ARHGAP17: variants seen among roughly 807,000 people sequenced by gnomAD.
The protein encoded by ARHGAP17 is rho GTPase-activating protein 17.
Under a neutral mutation model 99.5 loss-of-function variants are expected in ARHGAP17, and 57 were observed. The observed-to-expected ratio is 0.57, with a 90% CI of 0.46 to 0.71. ARHGAP17 has a LOEUF of 0.71. ARHGAP17 is among the 30% of genes least tolerant of loss of function. The pLI is 0.00. For synonymous variants in ARHGAP17, 417 were observed against 429.6 expected (o/e 0.97, Z 0.36); for missense variants, 1,000 against 1,122.4 (o/e 0.89, Z 1.56).
intron 7 of ARHGAP17, among the ~76,000 whole-genome samples, chr16:24,962,797 TGTA>T (rs2052050237): frequency 1.3e-5 from 2 of 152,148 alleles, no homozygotes; most frequent in African/African-American, 4.8e-5. Flanking sequence ...AAAAGAATAA[TGTA>T]GTATCAAAAA....
At chr16:24,953,134 G>T in intron 10 of ARHGAP17, 92 bp from the exon 11 acceptor site, 3 of 1,129,738 alleles carry the variant, frequency 2.7e-6, no homozygotes, top group Middle Eastern at 2.1e-4. Flanking sequence ...CCTGACTTCC[G>T]CTCACCTCCT....
At position 24,930,834 on chromosome 16, in the gene ARHGAP17, C is replaced by G; in HGVS notation, c.2465G>C (p.Gly822Ala). Residue 822 changes from glycine (G) to alanine (A), a missense_variant, in exon 19 of 20, where the codon GGG becomes GCG. This residue lies in a region of ARHGAP17 where 528 missense variants were observed against 511.4 expected (regional missense o/e 1.03). Coordinates refer to ENST00000289968, the MANE Select transcript of ARHGAP17 (RefSeq NM_001006634.3). ...TGCTGTGTTGGTGAGGCTGCTGTCCCCAGCTGAGTGGACACCAGGAGGTTG... is the reference window on the plus strand; with the variant it reads ...TGCTGTGTTGGTGAGGCTGCTGTCCGCAGCTGAGTGGACACCAGGAGGTTG... ...PPQPPGVHSA[G>A]DSSLTNTAPT... 4 of 1,614,006 alleles carry G rather than the reference C, an allele frequency of 2.5e-6. No individual in the cohort carries two copies. The highest frequency in any genetic ancestry group is 1.6e-4 in the Middle Eastern group (1 of 6,062).
At chr16:24,995,626 G>A (rs1176811643) in intron 1 of ARHGAP17, among the ~76,000 whole-genome samples, 1 of 152,152 alleles carries the variant, frequency 6.6e-6, no homozygotes, top group Non-Finnish European at 1.5e-5. Flanking sequence ...AGGAGCCAGC[G>A]GCAATCCACC....
intron 6 of ARHGAP17, among the ~76,000 whole-genome samples, chr16:24,966,697 T>A (rs1002520289): frequency 3.3e-5 from 5 of 151,508 alleles, no homozygotes; most frequent in Admixed American, 2.0e-4. Flanking sequence ...GGCAGGAGGA[T>A]CCCTTGAGCC....
intron 1 of ARHGAP17, among the ~76,000 whole-genome samples, chr16:24,999,156 G>T (rs139129871): frequency 6.6e-6 from 1 of 152,132 alleles, no homozygotes; most frequent in African/African-American, 2.4e-5. Context: ...CAATGACTTC[G>T]AATTTTTTAA....
chr16:24,983,937 GCCACTTT>G (rs1402787748), intron 1 of ARHGAP17, among the ~76,000 whole-genome samples: 8 of 152,182 alleles, frequency 5.3e-5, no homozygotes, highest in Non-Finnish European at 1.2e-4. Flanking sequence ...CCTTCATAGT[GCCACTTT>G]CCCTTGACCT....
chr16:24,968,867 C>T (rs916652111), intron 4 of ARHGAP17, 95 bp from the exon 5 acceptor site: 8 of 1,149,788 alleles, frequency 7.0e-6, no homozygotes, highest in Middle Eastern at 3.9e-4. Flanking sequence ...ACAACAGGAA[C>T]GCATTAGGGT....
intron 16 of ARHGAP17, 164 bp downstream of exon 16, chr16:24,941,823 G>C: frequency 1.2e-6 from 1 of 862,688 alleles, no homozygotes. Context: ...GGTGAGATTA[G>C]TGCTTGGAAT....
At chr16:24,998,342 T>C (rs1171638032) in intron 1 of ARHGAP17, among the ~76,000 whole-genome samples, 3 of 151,788 alleles carry the variant, frequency 2.0e-5, no homozygotes, top group East Asian at 3.9e-4. Context: ...GAAAGGTGCA[T>C]GGCACAGAGG....
At position 24,977,459 on chromosome 16, in the gene ARHGAP17, C is replaced by T. The variant is rs144573882; in HGVS notation, c.94-140G>A. 1.9e-4 allele frequency: 114 copies of T among 586,058 alleles called. No homozygotes were observed. The East Asian group carries it at 3.2e-3, about 17-fold the overall frequency. The allele number at this position is 586,058 out of a possible 1,614,324, so 36.3% of individuals were successfully genotyped here. On this transcript the variant is annotated intron_variant, in intron 2 of 19. Transcript: ENST00000289968. ...TACACCTTGCTATCACACTGAGTGG[C>T]GCCAGTCAGTTTACACACTACAGCA...
chr16:24,948,354 G>A (rs899157569), intron 13 of ARHGAP17, among the ~76,000 whole-genome samples: 3 of 152,174 alleles, frequency 2.0e-5, no homozygotes, highest in African/African-American at 7.2e-5. Flanking sequence ...CTTGCTGAGA[G>A]GATATATAAG....
At chr16:24,938,621 A>G (rs1308063248) in intron 17 of ARHGAP17, among the ~76,000 whole-genome samples, 1 of 151,828 alleles carries the variant, frequency 6.6e-6, no homozygotes, top group Non-Finnish European at 1.5e-5. Flanking sequence ...AAAATAAAAA[A>G]ATTAGCTGGG....
chr16:24,952,863 C>T (rs780966676), intron 11 of ARHGAP17, 68 bp downstream of exon 11: 93 of 1,431,602 alleles, frequency 6.5e-5, no homozygotes, highest in Non-Finnish European at 6.8e-6. Context: ...AACTGACCAT[C>T]TGTCTGAGAC....
chr16:25,004,583 T>C (rs1255570109), intron 1 of ARHGAP17, among the ~76,000 whole-genome samples: 2 of 152,240 alleles, frequency 1.3e-5, no homozygotes, highest in African/African-American at 4.8e-5. Flanking sequence ...TACATTTATT[T>C]AAGATTTATA....
chr16:24,953,680 C>T (rs905761803), intron 10 of ARHGAP17, among the ~76,000 whole-genome samples: 2 of 152,160 alleles, frequency 1.3e-5, no homozygotes, highest in Admixed American at 6.5e-5. Flanking sequence ...AAGCTCTTTT[C>T]GTCATAAATT....
At chr16:24,938,347 G>C (rs1567214948) in intron 17 of ARHGAP17, among the ~76,000 whole-genome samples, 1 of 151,842 alleles carries the variant, frequency 6.6e-6, no homozygotes, top group Non-Finnish European at 1.5e-5. Context: ...CTAGGCGACA[G>C]AGTGGGACTG....
Position 24,959,930 on chromosome 16 carries a change from T to C in ARHGAP17, c.623A>G (p.Tyr208Cys), listed in dbSNP as rs1178332061. The change falls in exon 8 of 20, where the codon TAT (tyrosine) becomes TGT (cysteine). Residue 208 changes from tyrosine (Y) to cysteine (C), a missense_variant. Coordinates refer to ENST00000289968, the MANE Select transcript of ARHGAP17 (RefSeq NM_001006634.3). ...MYNFMAKEGEYGKFFVTLLEA... is the reference protein window; with the variant it reads ...MYNFMAKEGECGKFFVTLLEA... ...GCTTACCGTAACAAAGAATTTGCCATACTCCCCTTCTTTGGCCATAAAGTT... is the reference window on the plus strand; with the variant it reads ...GCTTACCGTAACAAAGAATTTGCCACACTCCCCTTCTTTGGCCATAAAGTT... 12 of 1,614,184 alleles carry C rather than the reference T, an allele frequency of 7.4e-6. No homozygotes were observed. Among genetic ancestry groups the C allele is most frequent in the Non-Finnish European group, 9.3e-6 (11 of 1,180,016 alleles).
At chr16:24,971,151 T>C (rs1196035340) in intron 3 of ARHGAP17, among the ~76,000 whole-genome samples, 2 of 151,882 alleles carry the variant, frequency 1.3e-5, no homozygotes, top group African/African-American at 2.4e-5. Flanking sequence ...ATTACAGGCA[T>C]GAACCATCAC....
chr16:25,008,627 A>C (rs2053565982), intron 1 of ARHGAP17, among the ~76,000 whole-genome samples: 1 of 152,200 alleles, frequency 6.6e-6, no homozygotes, highest in South Asian at 2.1e-4. Flanking sequence ...GTCTGACAAA[A>C]ATGCACGGTG....
Sources: allele counts gnomAD v4.1 joint callset (sites outside exome capture counted in the v4.1 genomes callset), GRCh38; gene constraint gnomAD v4.1.1; regional missense constraint gnomAD v4.1.1; transcripts MANE v1.5; gene names NCBI Gene and HGNC (gene_info 2026-07-23, HGNC 2026-07-21).